The following HVCN1 variants were observed in gnomAD, a reference collection of about 807,000 sequenced individuals.
HVCN1 encodes the protein hydrogen voltage gated channel 1, also known as voltage-gated hydrogen channel 1.
A neutral mutation model predicts 29.2 loss-of-function variants in HVCN1; 14 were observed. The ratio of observed to expected loss-of-function variants is 0.48; its 90% CI spans 0.32 to 0.75. The LOEUF is 0.75. Among genes scored for constraint, HVCN1 ranks in the 30% least tolerant of loss-of-function variants. The pLI, the probability that HVCN1 is intolerant of heterozygous loss-of-function variation, is 0.04. For missense variants in HVCN1, 263 were observed against 341.8 expected, an observed-to-expected ratio of 0.77 and a Z score of 1.82; for synonymous variants, 131 against 133.2, an observed-to-expected ratio of 0.98 and a Z score of 0.11.
At chr12:110,674,078 C>A (rs1189808329) in intron 3 of HVCN1, among the ~76,000 whole-genome samples, 1 of 152,196 alleles carries the variant, frequency 6.6e-6, no homozygotes, top group Non-Finnish European at 1.5e-5. Flanking sequence ...TGGGTTATAC[C>A]CTGCAAAGCC....
chr12:110,687,020 A>G (rs1023814212), intron 2 of HVCN1, among the ~76,000 whole-genome samples: 1 of 152,250 alleles, frequency 6.6e-6, no homozygotes, highest in African/African-American at 2.4e-5. Context: ...TCTGAAGTCT[A>G]TGTAGAAACG....
chr12:110,693,142 A>AT (rs534225475), upstream of HVCN1, among the ~76,000 whole-genome samples: 69 of 148,972 alleles, frequency 4.6e-4, no homozygotes, highest in South Asian at 3.0e-3. Flanking sequence ...GCCTCCCCAA[A>AT]TTTTTTTTTT....
chr12:110,656,868 C>A (rs1225714214), intron 4 of HVCN1, among the ~76,000 whole-genome samples: 1 of 152,118 alleles, frequency 6.6e-6, no homozygotes, highest in Non-Finnish European at 1.5e-5. Flanking sequence ...AAGGTGCAAG[C>A]CTCTAGTAGG....
At chr12:110,699,731 CG>C (rs1194880628) in intron 2 of HVCN1, among the ~76,000 whole-genome samples, 1 of 152,090 alleles carries the variant, frequency 6.6e-6, no homozygotes, top group Non-Finnish European at 1.5e-5. Flanking sequence ...GGCGCTGCGC[CG>C]GGCACATGAT....
intron 3 of HVCN1, among the ~76,000 whole-genome samples, chr12:110,671,106 C>T (rs772198538): frequency 5.9e-5 from 9 of 152,120 alleles, no homozygotes; most frequent in Non-Finnish European, 1.2e-4. Flanking sequence ...GTGGACAGAT[C>T]GCCTGAGGTC....
At chr12:110,687,336 G>A (rs1318111453) in intron 2 of HVCN1, among the ~76,000 whole-genome samples, 1 of 151,966 alleles carries the variant, frequency 6.6e-6, no homozygotes, top group East Asian at 1.9e-4. Context: ...CTCCTTAAGT[G>A]GGGTGGTCAG....
intron 3 of HVCN1, among the ~76,000 whole-genome samples, chr12:110,679,802 G>A (rs1275587051): frequency 4.0e-5 from 6 of 151,668 alleles, no homozygotes; most frequent in Non-Finnish European, 8.8e-5. Context: ...GCAGTGAGCC[G>A]AGATTGCGCC....
chr12:110,652,115 T>G (rs1465357320), intron 5 of HVCN1, among the ~76,000 whole-genome samples: 2 of 152,238 alleles, frequency 1.3e-5, no homozygotes, highest in African/African-American at 2.4e-5. Context: ...TAGTCCTGGC[T>G]GGGCACAGTG....
rs145856128 is a variant in HVCN1 at position 110,654,382 on chromosome 12, G to A, written c.411+852C>T. On this transcript the variant is annotated intron_variant, in intron 5 of 7. Transcript: ENST00000242607. ...GAAGGAGGAAGTTTCATATTCTGCC[G>A]TTTTCACCACTTGCAAAGACATACA... 3.2e-3 allele frequency among the ~76,000 whole-genome samples: 486 copies of A among 150,788 alleles called. 1 individual carries two copies. Among genetic ancestry groups the A allele is most frequent in the African/African-American group, 0.011 (456 of 41,010 alleles).
chr12:110,690,020 A>T (rs2069369208), upstream of HVCN1, among the ~76,000 whole-genome samples: 3 of 152,180 alleles, frequency 2.0e-5, no homozygotes, highest in Admixed American at 6.5e-5. Context: ...GATCACCACA[A>T]ACCTAGTGGC....
intron 3 of HVCN1, 60 bp downstream of exon 3, chr12:110,683,165 A>G (rs2069048207): frequency 1.2e-6 from 2 of 1,612,346 alleles, no homozygotes; most frequent in Admixed American, 3.3e-5. Flanking sequence ...AACACCAAAC[A>G]GAATTATCCT....
chr12:110,661,459 G>A lies in HVCN1; in HGVS notation c.22-11C>T, dbSNP rs2136298813. The stretch of plus-strand genomic sequence containing the variant: ...CCTGCGGGTGACTGCCTAGAAGGCG[G>A]GGACAGAGAGCAAGAGCTTCAGGCA... On this transcript the variant is annotated splice_polypyrimidine_tract_variant and intron_variant, in intron 3 of 7. Coordinates refer to ENST00000242607, the MANE Select transcript of HVCN1 (RefSeq NM_032369.4). The surrounding 1 kb of genome is among the most constrained non-coding windows in gnomAD (Gnocchi z 6.2). 6.2e-7 allele frequency: 1 copy of A among 1,612,174 alleles called. No individual in the cohort carries two copies. The highest frequency in any genetic ancestry group is 8.5e-7 in the Non-Finnish European group (1 of 1,178,608).
chr12:110,691,314 C>T (rs905554432), upstream of HVCN1, among the ~76,000 whole-genome samples: 4 of 152,092 alleles, frequency 2.6e-5, no homozygotes, highest in East Asian at 3.9e-4. Context: ...CCGTCCTCCT[C>T]GGCCTCCCAA....
At chr12:110,653,845 AAG>A (rs576690487) in intron 5 of HVCN1, among the ~76,000 whole-genome samples, 1 of 152,120 alleles carries the variant, frequency 6.6e-6, no homozygotes, top group African/African-American at 2.4e-5. Context: ...CAAAAAAATA[AAG>A]AGAGACATTT....
At chr12:110,689,188 GC>G (rs2069334182), upstream of HVCN1, 1 of 106,342 alleles carries the variant, frequency 9.4e-6, no homozygotes, top group African/African-American at 3.6e-5. The surrounding 1 kb of genome is among the most constrained non-coding windows in gnomAD (Gnocchi z 5.7). Flanking sequence ...CGCCCGGGCC[GC>G]CCCCGCCCCC....
intron 3 of HVCN1, among the ~76,000 whole-genome samples, chr12:110,664,674 G>T (rs1368879832): frequency 1.3e-5 from 2 of 152,188 alleles, no homozygotes; most frequent in African/African-American, 4.8e-5. Context: ...GGACTGTGAA[G>T]GCAAAGACTA....
At chr12:110,702,214 C>G (rs1296095448) in intron 2 of HVCN1, 1 of 152,130 alleles carries the variant, frequency 6.6e-6, no homozygotes, top group African/African-American at 2.4e-5. Flanking sequence ...GCCCTGGTTT[C>G]TGGTTCTAGA....
In HVCN1 at chr12:110,661,222, C is replaced by A. The variant is rs1386019556; in HGVS notation, c.248G>T (p.Arg83Met). Residue 83 changes from arginine (R) to methionine (M), a missense_variant, in exon 4 of 8, where the codon AGG becomes ATG. By Grantham distance (91) the Arg-to-Met change is moderately conservative. Transcript: ENST00000242607. This position sits in a 1 kb window ranked among gnomAD's most constrained non-coding sequence, Gnocchi z 6.2. ...DVAPAPGPAP[R>M]APLDFRGMLR... Reference sequence around the variant, plus strand: ...CATGCCCCTGAAGTCAAGGGGGGCCCTGGGTGCGGGGCCAGGGGCAGGGGC... The same window carrying A: ...CATGCCCCTGAAGTCAAGGGGGGCCATGGGTGCGGGGCCAGGGGCAGGGGC... 1.2e-6 allele frequency: 2 copies of A among 1,613,796 alleles called. No homozygotes were observed. The highest frequency in any genetic ancestry group is 2.7e-5 in the African/African-American group (2 of 74,922).
intron 3 of HVCN1, among the ~76,000 whole-genome samples, chr12:110,662,244 A>T (rs1211573949): frequency 6.6e-6 from 1 of 151,574 alleles, no homozygotes; most frequent in African/African-American, 2.4e-5. Flanking sequence ...GGAAAAAAAA[A>T]TCCATTCCCC....
Sources: gnomAD v4.1 joint callset for allele counts (sites outside exome capture counted in the v4.1 genomes callset) on GRCh38, gnomAD v4.1.1 for gene constraint, Gnocchi (gnomAD v3.1) non-coding constraint, MANE v1.5 for transcripts, NCBI Gene and HGNC (gene_info 2026-07-23, HGNC 2026-07-21) for gene names.